The following TECPR2 variants were observed in gnomAD, a reference collection of about 807,000 sequenced individuals.
The protein encoded by TECPR2 is tectonin beta-propeller repeat-containing protein 2.
In TECPR2, 65 loss-of-function variants were observed where a neutral mutation model predicts 138.1. The observed-to-expected ratio is 0.47, with a 90% CI of 0.39 to 0.58. The LOEUF (loss-of-function observed/expected upper bound fraction) is 0.58. Ranked by LOEUF, TECPR2 falls within the 20% of genes least tolerant of loss-of-function variation. The pLI is 0.00. For synonymous variants in TECPR2, 746 were observed against 749.8 expected (o/e 0.99, Z 0.08); for missense variants, 1,553 against 1,824.5 (o/e 0.85, Z 2.71).
At chr14:102,425,970 C>T (rs1171362393) in intron 6 of TECPR2, among the ~76,000 whole-genome samples, 1 of 150,512 alleles carries the variant, frequency 6.6e-6, no homozygotes. Flanking sequence ...CTGCAACCTC[C>T]ACCTCCCGAG....
Position 102,499,156 on chromosome 14 carries a change from G to A in TECPR2, c.*899G>A, listed in dbSNP as rs1042232946. On this transcript the variant is annotated 3_prime_UTR_variant, in exon 20 of 20. Coordinates refer to ENST00000359520, the MANE Select transcript of TECPR2 (RefSeq NM_014844.5). ...GCAAATGGAACCTGGATGTGTGCACGTGTGTCCCAGGTAGGGACGGCACAG... is the reference window on the plus strand; with the variant it reads ...GCAAATGGAACCTGGATGTGTGCACATGTGTCCCAGGTAGGGACGGCACAG... 12 of 703,074 alleles carry A rather than the reference G, an allele frequency of 1.7e-5. No homozygotes were observed. Among genetic ancestry groups the A allele is most frequent in the Middle Eastern group, 2.3e-4 (1 of 4,370 alleles). 43.6% of individuals were successfully genotyped at this position (703,074 alleles called of 1,614,324 possible).
chr14:102,435,991 C>T (rs1889660222), intron 9 of TECPR2, among the ~76,000 whole-genome samples: 1 of 152,228 alleles, frequency 6.6e-6, no homozygotes. Flanking sequence ...CCACAGTCTA[C>T]GCTGGCTTCT....
At chr14:102,449,536 G>T in intron 13 of TECPR2, 93 bp from the exon 14 acceptor site, 1 of 1,552,720 alleles carries the variant, frequency 6.4e-7, no homozygotes, top group African/African-American at 1.4e-5. Flanking sequence ...AAATGCAGAG[G>T]TGTGGACCTG....
chr14:102,436,323 T>C (rs1041978938), intron 9 of TECPR2, among the ~76,000 whole-genome samples: 29 of 150,432 alleles, frequency 1.9e-4, no homozygotes, highest in African/African-American at 7.1e-4. Flanking sequence ...TCTTTCTTTT[T>C]TTTTTTTTTT....
Position 102,424,998 on chromosome 14 carries a change from T to C in TECPR2, c.658T>C (p.Cys220Arg), listed in dbSNP as rs890675294. The C allele has an allele frequency of 1.9e-6, 3 of 1,606,528 alleles. No individual in the cohort carries two copies. The highest frequency in any genetic ancestry group is 2.6e-6 in the Non-Finnish European group (3 of 1,176,320). ...TTTTAGTACTGGGAAATTTGGTGCT[T>C]GTTTTATACCAGGACTCTGTAAGCA... ...PRKSTGKFGA[C>R]FIPGLCKQSD... Residue 220 changes from cysteine (C) to arginine (R), a missense_variant, in exon 6 of 20, where the codon TGT becomes CGT. Cys to Arg is a radical substitution (Grantham distance 180). Transcript: ENST00000359520.
chr14:102,427,311 C>G (rs377063240), intron 6 of TECPR2, among the ~76,000 whole-genome samples: 1 of 152,030 alleles, frequency 6.6e-6, no homozygotes, highest in Non-Finnish European at 1.5e-5. Flanking sequence ...GAGCATTTAC[C>G]CGATGCTTTA....
At chr14:102,391,095 G>T (rs1445902671) in intron 2 of TECPR2, among the ~76,000 whole-genome samples, 1 of 152,158 alleles carries the variant, frequency 6.6e-6, no homozygotes, top group Middle Eastern at 3.2e-3. Context: ...TTCTCACCCT[G>T]TTGCCCAGGC....
At chr14:102,385,239 G>A (rs1305591518) in intron 2 of TECPR2, among the ~76,000 whole-genome samples, 1 of 152,046 alleles carries the variant, frequency 6.6e-6, no homozygotes, top group African/African-American at 2.4e-5. Flanking sequence ...ACAACCTGCT[G>A]TCTTGGAAAC....
chr14:102,489,456 C>T (rs1014736550), intron 17 of TECPR2, among the ~76,000 whole-genome samples: 1 of 151,566 alleles, frequency 6.6e-6, no homozygotes, highest in Non-Finnish European at 1.5e-5. Context: ...GTCTCTATCC[C>T]AGTACTTTGG....
At chr14:102,433,639 G>T (rs1047541888) in intron 8 of TECPR2, among the ~76,000 whole-genome samples, 14 of 151,970 alleles carry the variant, frequency 9.2e-5, no homozygotes, top group African/African-American at 3.4e-4. Flanking sequence ...TCCTGCCTCA[G>T]CCTCCCGAGT....
intron 16 of TECPR2, among the ~76,000 whole-genome samples, chr14:102,463,416 C>CAAAAAAAA (rs550694466): frequency 2.3e-4 from 9 of 38,464 alleles, no homozygotes; most frequent in Non-Finnish European, 4.0e-4. Context: ...GACTCCGTCT[C>CAAAAAAAA]AAAAAAAAAA....
At chr14:102,414,022 A>G (rs920538284) in intron 4 of TECPR2, among the ~76,000 whole-genome samples, 1 of 152,184 alleles carries the variant, frequency 6.6e-6, no homozygotes, top group African/African-American at 2.4e-5. Context: ...CTGGTCTTGT[A>G]AAGTATCATT....
intron 17 of TECPR2, among the ~76,000 whole-genome samples, chr14:102,482,450 TC>T (rs1367026527): frequency 3.9e-5 from 6 of 152,022 alleles, no homozygotes; most frequent in Non-Finnish European, 7.4e-5. Flanking sequence ...CTCCATTTCT[TC>T]CCCCTGCAGA....
In TECPR2 at chr14:102,434,685, G is replaced by A; in HGVS notation, c.1868G>A (p.Gly623Glu). The A allele has an allele frequency of 6.2e-7, 1 of 1,613,066 alleles. No individual in the cohort carries two copies. Among genetic ancestry groups the A allele is most frequent in the Non-Finnish European group, 8.5e-7 (1 of 1,179,462 alleles). The change falls in exon 9 of 20, where the codon GGG becomes GAG. Residue 623 changes from glycine to glutamate, a missense_variant. Physicochemically the swap from Gly to Glu is moderately conservative, Grantham distance 98 (BLOSUM62 -2). Coordinates refer to ENST00000359520, the MANE Select transcript of TECPR2 (RefSeq NM_014844.5). ...TTCCAAGAACAGGACAGCTCTCCTGGGGCGCATGATGGGGAAGACATCCAA... is the reference window on the plus strand; with the variant it reads ...TTCCAAGAACAGGACAGCTCTCCTGAGGCGCATGATGGGGAAGACATCCAA... ...LPFQEQDSSP[G>E]AHDGEDIQPI... is the part of the protein sequence containing the mutation.
chr14:102,387,684 G>A (rs543624110), intron 2 of TECPR2, among the ~76,000 whole-genome samples: 14 of 152,074 alleles, frequency 9.2e-5, no homozygotes, highest in African/African-American at 2.4e-4. Flanking sequence ...CTGCCACCAC[G>A]CCTGGCTAAT....
At chr14:102,431,617 C>T (rs1410195630) in intron 7 of TECPR2, among the ~76,000 whole-genome samples, 179 bp from the exon 8 acceptor site, 1 of 152,320 alleles carries the variant, frequency 6.6e-6, no homozygotes, top group African/African-American at 2.4e-5. Flanking sequence ...GCTGGGATTA[C>T]AGGCGTGAGT....
chr14:102,445,739 G>A lies in TECPR2; in HGVS notation c.2934-67G>A, dbSNP rs189970847. 129 of 1,516,816 alleles carry A rather than the reference G, an allele frequency of 8.5e-5. 1 individual carries two copies. The Middle Eastern group carries it at 1.7e-3, about 20-fold the overall frequency. The allele number at this position is 1,516,816 out of a possible 1,614,324, so 94.0% of individuals were successfully genotyped here. On this transcript the variant is annotated intron_variant, in intron 12 of 19. Coordinates refer to ENST00000359520, the MANE Select transcript of TECPR2 (RefSeq NM_014844.5). ...GCCTGCCGGGAGACCCTGGATGTCC[G>A]CAGTCCAGACACACTGGGCACTCTG...
At chr14:102,445,735 G>A (rs1304358305) in intron 12 of TECPR2, 71 bp from the exon 13 acceptor site, 3 of 1,505,636 alleles carry the variant, frequency 2.0e-6, no homozygotes, top group Non-Finnish European at 2.7e-6. Flanking sequence ...GACCCTGGAT[G>A]TCCGCAGTCC....
chr14:102,496,666 C>T (rs887418131), intron 17 of TECPR2, among the ~76,000 whole-genome samples: 5 of 152,126 alleles, frequency 3.3e-5, no homozygotes, highest in Admixed American at 2.6e-4. Flanking sequence ...CAGCCAGGTC[C>T]GCCGCATCTC....
Sources: gnomAD v4.1 joint callset for allele counts (sites outside exome capture counted in the v4.1 genomes callset) on GRCh38, gnomAD v4.1.1 for gene constraint, MANE v1.5 for transcripts, NCBI Gene and HGNC (gene_info 2026-07-23, HGNC 2026-07-21) for gene names.